The following TMOD2 variants were observed in gnomAD, a reference collection of about 807,000 sequenced individuals.
TMOD2 encodes the protein tropomodulin 2, also known as tropomodulin-2.
TMOD2 carries 22 observed loss-of-function variants against 39.9 expected under a neutral mutation model. That is an observed-to-expected ratio of 0.55 (90% CI 0.39 to 0.79). The LOEUF (loss-of-function observed/expected upper bound fraction) is 0.79, where lower values mean the gene tolerates loss of function less well. Among genes scored for constraint, TMOD2 ranks in the 30% least tolerant of loss-of-function variants. The pLI is 0.00. For missense variants in TMOD2, 386 were observed against 413.3 expected (o/e 0.93, Z 0.57); for synonymous variants, 123 against 146.1 (o/e 0.84, Z 1.14).
intron 7 of TMOD2, among the ~76,000 whole-genome samples, chr15:51,791,698 A>G (rs879153709): frequency 6.6e-6 from 1 of 152,116 alleles, no homozygotes; most frequent in Non-Finnish European, 1.5e-5. Flanking sequence ...CAGAAATAAC[A>G]CCACACATCT....
chr15:51,759,354 C>T (rs532879357), intron 1 of TMOD2, among the ~76,000 whole-genome samples: 1 of 152,140 alleles, frequency 6.6e-6, no homozygotes, highest in African/African-American at 2.4e-5. Context: ...GCCTAACCCT[C>T]AGGAAAAAAG....
intron 1 of TMOD2, among the ~76,000 whole-genome samples, chr15:51,753,725 G>A (rs2141609083): frequency 6.6e-6 from 1 of 150,784 alleles, no homozygotes; most frequent in South Asian, 2.1e-4. Context: ...TGGAGGTGAA[G>A]TGTCATGACA....
At chr15:51,777,566 T>C (rs963510139) in intron 5 of TMOD2, among the ~76,000 whole-genome samples, 3 of 152,182 alleles carry the variant, frequency 2.0e-5, no homozygotes, top group Admixed American at 1.3e-4. Context: ...ACGTTTCCTA[T>C]AGACGTGTAC....
chr15:51,779,412 G>A (rs547759795), intron 5 of TMOD2, among the ~76,000 whole-genome samples: 8 of 148,924 alleles, frequency 5.4e-5, no homozygotes, highest in African/African-American at 7.5e-5. Flanking sequence ...ACAGAGTCTC[G>A]CTCTGTTGCC....
chr15:51,771,066 C>A (rs2055850604), intron 3 of TMOD2, among the ~76,000 whole-genome samples: 1 of 152,126 alleles, frequency 6.6e-6, no homozygotes, highest in South Asian at 2.1e-4. Context: ...ATCTCATGAT[C>A]AAGATTAATC....
chr15:51,801,229 T>TCACACACACACA (rs1391987137), intron 8 of TMOD2, among the ~76,000 whole-genome samples: 13 of 98,540 alleles, frequency 1.3e-4, no homozygotes, highest in African/African-American at 6.2e-4. Flanking sequence ...TCTCTCTCTC[T>TCACACACACACA]CTCTCTCTCA....
chr15:51,808,707 G>A lies in TMOD2; in HGVS notation c.*253G>A, dbSNP rs16964532. 0.038 allele frequency: 13,423 copies of A among 349,094 alleles called. 374 individuals are homozygous for A. The highest frequency in any genetic ancestry group is 0.049 in the Non-Finnish European group (9,498 of 192,948). The allele number at this position is 349,094 out of a possible 1,614,324, so 21.6% of individuals were successfully genotyped here. Reference sequence around the variant, plus strand: ...ACCGATGCAGATTTTAGAGAGTGACGACATGGAAAATGAATTTAACCACTT... The same window carrying A: ...ACCGATGCAGATTTTAGAGAGTGACAACATGGAAAATGAATTTAACCACTT... On this transcript the variant is annotated 3_prime_UTR_variant, in exon 10 of 10. Transcript: ENST00000249700.
At position 51,786,847 on chromosome 15, in the gene TMOD2, G is replaced by A. The variant is rs145639865; in HGVS notation, c.732+4019G>A. On this transcript the variant is annotated intron_variant, in intron 7 of 9. Transcript: ENST00000249700. ...CAGCACTGTTTATTGGAAATAAAACGTGAGAGGTCACTTCCAAGATGGCCA... is the reference window on the plus strand; with the variant it reads ...CAGCACTGTTTATTGGAAATAAAACATGAGAGGTCACTTCCAAGATGGCCA... Among the ~76,000 whole-genome samples the A allele has an allele frequency of 6.4e-3, 972 of 152,334 alleles. 7 individuals are homozygous for A. Among genetic ancestry groups the A allele is most frequent in the Non-Finnish European group, 0.01 (699 of 68,030 alleles).
At chr15:51,752,017 C>T (rs898094003) in intron 1 of TMOD2, among the ~76,000 whole-genome samples, 18 of 151,766 alleles carry the variant, frequency 1.2e-4, no homozygotes, top group African/African-American at 2.7e-4. Context: ...GGGGAGGGCG[C>T]GGTCTCCTGT....
intron 4 of TMOD2, 115 bp downstream of exon 4, chr15:51,773,949 A>G (rs1367201938): frequency 1.7e-6 from 2 of 1,196,760 alleles, no homozygotes; most frequent in African/African-American, 3.1e-5. Context: ...ACAGGTTGAC[A>G]CAAGGCATTA....
At position 51,766,421 on chromosome 15, in the gene TMOD2, GA is replaced by G. The variant is rs1258657786; in HGVS notation, c.-20del. On this transcript the variant is annotated 5_prime_UTR_variant, in exon 2 of 10. An upstream open reading frame in the 5' UTR loses its in-frame stop. Coordinates refer to ENST00000249700, the MANE Select transcript of TMOD2 (RefSeq NM_014548.4). Reference sequence around the variant, plus strand: ...GACCATTTAAATGTGCATGGCCCATGAGAAAGGCTTATAAGAAGCCATGGCA... The same window carrying G: ...GACCATTTAAATGTGCATGGCCCATGGAAAGGCTTATAAGAAGCCATGGCA... The G allele has an allele frequency of 2.5e-6, 4 of 1,612,310 alleles. No individual in the cohort carries two copies. The African/African-American group carries it at 5.4e-5, about 22-fold the overall frequency.
intron 4 of TMOD2, 144 bp downstream of exon 4, chr15:51,773,978 T>A (rs2055871039): frequency 1.1e-6 from 1 of 912,890 alleles, no homozygotes. Context: ...TAAGTCTTGA[T>A]GCAGGTGACT....
chr15:51,797,016 T>G (rs1016227472), intron 7 of TMOD2, among the ~76,000 whole-genome samples: 1 of 152,244 alleles, frequency 6.6e-6, no homozygotes, highest in African/African-American at 2.4e-5. Flanking sequence ...CTGGGCGACA[T>G]AGACCATAAG....
chr15:51,766,755 G>C (rs2055818902), intron 2 of TMOD2, 188 bp downstream of exon 2: 1 of 458,570 alleles, frequency 2.2e-6, no homozygotes, highest in African/African-American at 2.0e-5. Context: ...GTGTGATACA[G>C]CAAATGTATT....
rs2056172484 is a variant in TMOD2 at position 51,813,822 on chromosome 15, AAC to A, written c.*5369_*5370del. 6.6e-6 allele frequency: 1 copy of A among 152,214 alleles called. No homozygotes were observed. Among genetic ancestry groups the A allele is most frequent in the African/African-American group, 2.4e-5 (1 of 41,454 alleles). The allele number at this position is 152,214 out of a possible 1,614,324, so 9.4% of individuals were successfully genotyped here. A position where few individuals can be genotyped will look rare whatever the true frequency, so the allele number is the denominator to read the frequency against. On this transcript the variant is annotated 3_prime_UTR_variant, in exon 10 of 10. Coordinates refer to ENST00000249700, the MANE Select transcript of TMOD2 (RefSeq NM_014548.4). Reference sequence around the variant, plus strand: ...GATAACTGGATAAAAACACTATATAAACTGGAAAGCGCCGTACAAATGTGAGA... The same window carrying A: ...GATAACTGGATAAAAACACTATATAATGGAAAGCGCCGTACAAATGTGAGA...
chr15:51,764,662 T>C (rs2055804573), intron 1 of TMOD2, among the ~76,000 whole-genome samples: 1 of 152,152 alleles, frequency 6.6e-6, no homozygotes, highest in Non-Finnish European at 1.5e-5. Context: ...CACCCTCGTC[T>C]TTAGTTCTTT....
intron 7 of TMOD2, among the ~76,000 whole-genome samples, chr15:51,794,767 T>C (rs1005666582): frequency 6.6e-6 from 1 of 152,162 alleles, no homozygotes; most frequent in Admixed American, 6.5e-5. Context: ...TCTTAGAAAA[T>C]TTTTTATTCT....
chr15:51,752,783 A>T (rs1433101854), intron 1 of TMOD2: 1 of 152,262 alleles, frequency 6.6e-6, no homozygotes, highest in East Asian at 1.9e-4. Context: ...AGTGAGGAGG[A>T]AAGATTTTTC....
At chr15:51,765,809 G>A (rs999475986) in intron 1 of TMOD2, among the ~76,000 whole-genome samples, 4 of 152,174 alleles carry the variant, frequency 2.6e-5, no homozygotes, top group South Asian at 2.1e-4. Flanking sequence ...TTTTAGAATC[G>A]CACTTAGTTT....
Sources: allele counts gnomAD v4.1 joint callset (sites outside exome capture counted in the v4.1 genomes callset), GRCh38; gene constraint gnomAD v4.1.1; transcripts MANE v1.5; gene names NCBI Gene and HGNC (gene_info 2026-07-23, HGNC 2026-07-21).